SPIB: variants seen among roughly 807,000 people sequenced by gnomAD.
SPIB encodes Spi-B transcription factor, also known as transcription factor Spi-B.
In SPIB, 7 loss-of-function variants were observed where a neutral mutation model predicts 31.9. That is an observed-to-expected ratio of 0.22 (90% confidence interval 0.12 to 0.41). SPIB has a LOEUF of 0.41. SPIB is among the 10% of genes least tolerant of loss of function. The pLI is 1.00. For synonymous variants in SPIB, 176 were observed against 158.9 expected, an observed-to-expected ratio of 1.11 and a Z score of -0.81; for missense variants, 327 against 360.2, an observed-to-expected ratio of 0.91 and a Z score of 0.75.
Position 50,428,706 on chromosome 19 carries a change from CG to C in SPIB, c.*371del. 4.0e-6 allele frequency: 1 copy of C among 252,236 alleles called. No individual in the cohort carries two copies. The highest frequency in any genetic ancestry group is 7.5e-6 in the Non-Finnish European group (1 of 133,116). The allele number at this position is 252,236 out of a possible 1,614,324, so 15.6% of individuals were successfully genotyped here. A position where few individuals can be genotyped will look rare whatever the true frequency, so the allele number is the denominator to read the frequency against. On this transcript the variant is annotated 3_prime_UTR_variant, in exon 6 of 6. Coordinates refer to ENST00000595883, the MANE Select transcript of SPIB (RefSeq NM_003121.5). The surrounding 1 kb of genome is among the most constrained non-coding windows in gnomAD (Gnocchi z 6.5). ...TCTGATTCCCCAGTGAGGCCTGGGA[CG>C]TTTTTAAGATCGCTGTGTGTCTGTA... is the stretch of plus-strand genomic sequence containing the variant.
chr19:50,423,361 T>G (rs912137929), intron 4 of SPIB, among the ~76,000 whole-genome samples: 6 of 151,678 alleles, frequency 4.0e-5, no homozygotes, highest in African/African-American at 1.5e-4. Flanking sequence ...AACAAGTGAG[T>G]CAAGAGAGGT....
At position 50,422,964 on chromosome 19, in the gene SPIB, TC is replaced by T; in HGVS notation, c.267del (p.Glu90AsnfsTer90). ...CCCACCTACAGCCCTGCAGGGAACCTCGAACTGGCCCCCAGCCTGGAGGCCC... is the reference window on the plus strand; with the variant it reads ...CCCACCTACAGCCCTGCAGGGAACCTGAACTGGCCCCCAGCCTGGAGGCCC... Reference protein sequence around the residue: ...EPPTYSPAGNLELAPSLEAPG... With the variant: ...EPPTYSPAGNXELAPSLEAPG... On this transcript the variant is annotated frameshift_variant, in exon 4 of 6. Transcript: ENST00000595883. LOFTEE classifies it high-confidence loss of function. 1 of 1,583,018 alleles carries T rather than the reference TC, an allele frequency of 6.3e-7. No individual in the cohort carries two copies. The highest frequency in any genetic ancestry group is 8.6e-7 in the Non-Finnish European group (1 of 1,162,252).
chr19:50,421,841 C>T (rs1372996209), intron 2 of SPIB, among the ~76,000 whole-genome samples: 2 of 152,166 alleles, frequency 1.3e-5, no homozygotes, highest in Non-Finnish European at 2.9e-5. Flanking sequence ...TCTCGAACTC[C>T]TGACCTCAGG....
intron 5 of SPIB, among the ~76,000 whole-genome samples, 160 bp downstream of exon 5, chr19:50,423,915 C>T (rs2039533882): frequency 6.6e-6 from 1 of 152,128 alleles, no homozygotes. Flanking sequence ...AGTGCCTCTA[C>T]CTCTCTGTGC....
Position 50,430,146 on chromosome 19 carries a change from A to C in SPIB, c.*1810A>C, listed in dbSNP as rs556021347. The C allele has an allele frequency of 3.6e-4, 55 of 152,410 alleles. No homozygotes were observed. The highest frequency in any genetic ancestry group is 1.0e-3 in the African/African-American group (43 of 41,558). 9.4% of individuals were successfully genotyped at this position (152,410 alleles called of 1,614,324 possible). A position where few individuals can be genotyped will look rare whatever the true frequency, so the allele number is the denominator to read the frequency against. ...GGGTGGGGAGCTGGAACAGGACAGT[A>C]GCCTTTCCTAATGAGGCATTTGTTC... On this transcript the variant is annotated 3_prime_UTR_variant, in exon 6 of 6. Transcript: ENST00000595883.
At chr19:50,419,572 A>G (rs2039461116) in intron 1 of SPIB, among the ~76,000 whole-genome samples, 1 of 151,714 alleles carries the variant, frequency 6.6e-6, no homozygotes, top group Non-Finnish European at 1.5e-5. Flanking sequence ...CTCTACCCAG[A>G]CATCTCTCCA....
chr19:50,423,092 G>A (rs1330438920), intron 4 of SPIB, 55 bp downstream of exon 4: 8 of 871,462 alleles, frequency 9.2e-6, no homozygotes, highest in African/African-American at 8.1e-5. Flanking sequence ...GGTGGTGCAC[G>A]CCTGTAATCC....
chr19:50,426,958 C>A (rs1466681966), intron 5 of SPIB, among the ~76,000 whole-genome samples: 2 of 149,726 alleles, frequency 1.3e-5, no homozygotes, highest in Non-Finnish European at 3.0e-5. Flanking sequence ...AGTAAGACAC[C>A]ATCTCTACAA....
rs756849503 is a variant in SPIB, at chr19:50,422,422, G to T, written c.52-51G>T. ...CCCAAGGGTCCAGGGTGGGGGTTGG[G>T]AGTCCCCAAGGCCTGGGATGACCCC... On this transcript the variant is annotated intron_variant, in intron 2 of 5. Transcript: ENST00000595883. 6 of 1,574,088 alleles carry T rather than the reference G, an allele frequency of 3.8e-6. No individual in the cohort carries two copies. The Admixed American group carries it at 1.0e-4, about 26-fold the overall frequency.
chr19:50,427,157 C>T (rs34084075), intron 5 of SPIB, among the ~76,000 whole-genome samples: 1,540 of 152,018 alleles, frequency 0.01, 15 homozygotes, highest in Middle Eastern at 0.048. Context: ...GATGTCACTA[C>T]GTCACCACCC....
chr19:50,428,180 C>T lies in SPIB; in HGVS notation c.633C>T (p.Arg211=). ...AGCACAAGGAACTCCTGGCGCGCCG[C>T]TGGGGCCAGCAGAAGGGGAACCGCA... is the stretch of plus-strand genomic sequence containing the variant. The part of the protein sequence containing the change: ...SSKHKELLAR[R]WGQQKGNRKR... Residue 211 remains arginine (R), a synonymous_variant, in exon 6 of 6, where the codon CGC becomes CGT. Transcript: ENST00000595883. The surrounding 1 kb of genome is among the most constrained non-coding windows in gnomAD (Gnocchi z 6.5). 2.5e-6 allele frequency: 4 copies of T among 1,590,658 alleles called. No individual in the cohort carries two copies. Among genetic ancestry groups the T allele is most frequent in the Non-Finnish European group, 2.6e-6 (3 of 1,168,610 alleles).
At chr19:50,426,219 A>C (rs2039564233) in intron 5 of SPIB, among the ~76,000 whole-genome samples, 1 of 152,014 alleles carries the variant, frequency 6.6e-6, no homozygotes, top group Non-Finnish European at 1.5e-5. Flanking sequence ...AAAATAAATA[A>C]ATAAATAAAT....
intron 5 of SPIB, among the ~76,000 whole-genome samples, chr19:50,423,992 G>T (rs978702048): frequency 1.3e-5 from 2 of 152,094 alleles, no homozygotes; most frequent in African/African-American, 2.4e-5. Context: ...TCGTTGGGGG[G>T]ACTAAATGGG....
rs748534039 is a variant in SPIB at position 50,419,981 on chromosome 19, G to A, written c.51+8G>A. On this transcript the variant is annotated splice_region_variant and intron_variant, in intron 2 of 5. Coordinates refer to ENST00000595883, the MANE Select transcript of SPIB (RefSeq NM_003121.5). Reference sequence around the variant, plus strand: ...CCACACTTCAGCTGTCTGGTGAGTTGGGGCCCCTGGGGGCCAGGGAGGGGT... The same window carrying A: ...CCACACTTCAGCTGTCTGGTGAGTTAGGGCCCCTGGGGGCCAGGGAGGGGT... The A allele has an allele frequency of 6.8e-7, 1 of 1,468,256 alleles. No individual in the cohort carries two copies. The highest frequency in any genetic ancestry group is 2.9e-5 in the Admixed American group (1 of 34,366). The allele number at this position is 1,468,256 out of a possible 1,614,324, so 91.0% of individuals were successfully genotyped here.
rs1157991617 is a variant in SPIB, at chr19:50,431,309, G to A, written c.*2973G>A. ...CGTCTACAAAAAAAATAAAAAATTA[G>A]CGGGGTGTGGTGGCGTATGCCTGTA... On this transcript the variant is annotated 3_prime_UTR_variant, in exon 6 of 6. Transcript: ENST00000595883. 6.6e-6 allele frequency: 1 copy of A among 152,262 alleles called. No individual in the cohort carries two copies. The highest frequency in any genetic ancestry group is 1.5e-5 in the Non-Finnish European group (1 of 68,104). The allele number at this position is 152,262 out of a possible 1,614,324, so 9.4% of individuals were successfully genotyped here.
chr19:50,427,936 C>A, intron 5 of SPIB, 102 bp from the exon 6 acceptor site: 1 of 1,300,930 alleles, frequency 7.7e-7, no homozygotes, highest in Non-Finnish European at 1.0e-6. Context: ...CTTTTCAGAT[C>A]CAGGAGATGG....
At chr19:50,424,935 G>A (rs1332506546) in intron 5 of SPIB, among the ~76,000 whole-genome samples, 2 of 142,232 alleles carry the variant, frequency 1.4e-5, no homozygotes, top group African/African-American at 5.3e-5. Context: ...CTCCAGCCTG[G>A]GTGACAGAGC....
At position 50,427,340 on chromosome 19, in the gene SPIB, C is replaced by G. The variant is rs372283355; in HGVS notation, c.491-698C>G. Among the ~76,000 whole-genome samples the G allele has an allele frequency of 1.2e-4, 19 of 152,308 alleles. No individual in the cohort carries two copies. In the South Asian group the frequency reaches 3.7e-3, roughly 30 times the overall value. On this transcript the variant is annotated intron_variant, in intron 5 of 5. Transcript: ENST00000595883. ...AGGAGTTCGAGACCAGCCTGGCCAA[C>G]ATGGCGAAACCCCGTCTCTACTAAA...
intron 5 of SPIB, among the ~76,000 whole-genome samples, chr19:50,424,192 T>C (rs10419119): frequency 1.3e-5 from 2 of 152,148 alleles, no homozygotes; most frequent in African/African-American, 4.8e-5. Flanking sequence ...GCTGAGATCG[T>C]TCCTTCCTTT....
Sources: gnomAD v4.1 joint callset for allele counts (sites outside exome capture counted in the v4.1 genomes callset) on GRCh38, gnomAD v4.1.1 for gene constraint, Gnocchi (gnomAD v3.1) non-coding constraint, MANE v1.5 for transcripts, NCBI Gene and HGNC (gene_info 2026-07-23, HGNC 2026-07-21) for gene names.